PCDHA2: variants seen among roughly 807,000 people sequenced by gnomAD.
PCDHA2 encodes protocadherin alpha 2.
PCDHA2 carries 58 observed loss-of-function variants against 66.0 expected under a neutral mutation model. That is an observed-to-expected ratio of 0.88 (90% CI 0.71 to 1.09). PCDHA2 has a LOEUF of 1.09. PCDHA2 is among the 50% of genes least tolerant of loss of function. PCDHA2 has a pLI of 0.00. For synonymous variants in PCDHA2, 634 were observed against 554.0 expected (o/e 1.14, Z -2.03); for missense variants, 1,267 against 1,242.3 (o/e 1.02, Z -0.30).
intron 1 of PCDHA2, chr5:140,809,632 G>T: frequency 6.7e-7 from 1 of 1,502,482 alleles, no homozygotes; most frequent in South Asian, 1.4e-5. Flanking sequence ...CAACTTCTTC[G>T]TAAATTTATT....
intron 1 of PCDHA2, chr5:140,857,908 G>T (rs782073504): frequency 6.3e-7 from 1 of 1,597,722 alleles, no homozygotes; most frequent in South Asian, 1.1e-5. Flanking sequence ...CACGCATCCC[G>T]TTTCGCGTGG....
At chr5:140,895,994 A>G (rs1554186774) in intron 1 of PCDHA2, among the ~76,000 whole-genome samples, 1 of 152,038 alleles carries the variant, frequency 6.6e-6, no homozygotes, top group Non-Finnish European at 1.5e-5. Context: ...TATTTTAAGT[A>G]GAGACAGGGT....
chr5:140,987,398 A>G (rs935672912), intron 3 of PCDHA2, among the ~76,000 whole-genome samples: 4 of 152,140 alleles, frequency 2.6e-5, no homozygotes, highest in African/African-American at 9.7e-5. Context: ...CAAGGAAGCC[A>G]TCTGTTTATG....
rs146522449 is a variant in PCDHA2, at chr5:140,877,816, G to A, written c.2388+80464G>A. ...CCCAAGCCTTCAGCTGTCTCGAGAA[G>A]ATTGTTTAAATCCTCCCAGTGAAGT... On this transcript the variant is annotated intron_variant, in intron 1 of 3. Coordinates refer to ENST00000526136, the MANE Select transcript of PCDHA2 (RefSeq NM_018905.3). The A allele has an allele frequency of 2.8e-3, 4,449 of 1,609,310 alleles. 21 individuals carry two copies. Among genetic ancestry groups the A allele is most frequent in the African/African-American group, 0.01 (772 of 74,842 alleles).
intron 1 of PCDHA2, chr5:140,823,513 G>A (rs1767741657): frequency 6.2e-7 from 1 of 1,613,474 alleles, no homozygotes; most frequent in African/African-American, 1.3e-5. Context: ...GAGCGAGCTG[G>A]TGCCGAGGTC....
At chr5:140,941,185 CTTTT>C (rs782102770) in intron 1 of PCDHA2, among the ~76,000 whole-genome samples, 59 of 102,236 alleles carry the variant, frequency 5.8e-4, no homozygotes, top group South Asian at 3.1e-3. Context: ...CATCCTGCTT[CTTTT>C]TTTTTCTTTC....
chr5:140,968,444 A>G (rs781941315), intron 1 of PCDHA2: 1 of 1,614,048 alleles, frequency 6.2e-7, no homozygotes, highest in South Asian at 1.1e-5. Context: ...CCCACCACTG[A>G]GCAGCACTGT....
intron 3 of PCDHA2, among the ~76,000 whole-genome samples, chr5:140,995,650 A>T (rs1166713964): frequency 6.6e-6 from 1 of 152,182 alleles, no homozygotes; most frequent in Non-Finnish European, 1.5e-5. Context: ...GAAAAGGAGA[A>T]TCGAAAAGGG....
chr5:140,872,581 C>T (rs1037284236), intron 1 of PCDHA2, among the ~76,000 whole-genome samples: 14 of 152,104 alleles, frequency 9.2e-5, no homozygotes, highest in African/African-American at 3.1e-4. Flanking sequence ...GACCTATCAT[C>T]GTGAGACCCC....
At chr5:140,998,903 G>A (rs1465203456) in intron 3 of PCDHA2, among the ~76,000 whole-genome samples, 9 of 152,156 alleles carry the variant, frequency 5.9e-5, no homozygotes, top group African/African-American at 1.7e-4. Flanking sequence ...CAATGCCTCC[G>A]GGAGGTAGCT....
rs2150114188 is a variant in PCDHA2, at chr5:140,822,162, G to T, written c.2388+24810G>T. The T allele has an allele frequency of 7.4e-6, 12 of 1,614,112 alleles. No individual in the cohort carries two copies. In the East Asian group the frequency reaches 2.4e-4, roughly 33 times the overall value. On this transcript the variant is annotated intron_variant, in intron 1 of 3. Coordinates refer to ENST00000526136, the MANE Select transcript of PCDHA2 (RefSeq NM_018905.3). ...CAGTGAAGGACATCAATGACAATCC[G>T]CCCAGGTTCTCCAGACAAGAACAAA... is the stretch of plus-strand genomic sequence containing the variant.
chr5:140,822,562 C>T, intron 1 of PCDHA2: 2 of 1,613,262 alleles, frequency 1.2e-6, no homozygotes, highest in Non-Finnish European at 1.7e-6. Context: ...AGTTATTAAA[C>T]TGAACGCCTC....
intron 1 of PCDHA2, among the ~76,000 whole-genome samples, chr5:140,918,603 A>G (rs2078773753): frequency 6.6e-6 from 1 of 152,252 alleles, no homozygotes; most frequent in African/African-American, 2.4e-5. Context: ...AGATGTTGCT[A>G]TGATATGAAT....
chr5:140,917,724 G>C (rs2078325058), intron 1 of PCDHA2, among the ~76,000 whole-genome samples: 1 of 152,080 alleles, frequency 6.6e-6, no homozygotes, highest in East Asian at 1.9e-4. Flanking sequence ...CTTTATTTCT[G>C]GGTTCTCTAA....
At chr5:140,910,959 A>C (rs1188143214) in intron 1 of PCDHA2, among the ~76,000 whole-genome samples, 1 of 151,944 alleles carries the variant, frequency 6.6e-6, no homozygotes, top group African/African-American at 2.4e-5. Flanking sequence ...CGAGTGTAGC[A>C]CACCTCCTCA....
chr5:140,871,386 G>A lies in PCDHA2; in HGVS notation c.2388+74034G>A, dbSNP rs782650816. The A allele has an allele frequency of 3.1e-6, 5 of 1,614,058 alleles. No individual in the cohort carries two copies. In the South Asian group the frequency reaches 4.4e-5, roughly 14 times the overall value. ...GGCGGCAGAGGGTGTGCTCTGAGGA[G>A]GGCCCACCTAAGACGGACCTCATGG... On this transcript the variant is annotated intron_variant, in intron 1 of 3. Coordinates refer to ENST00000526136, the MANE Select transcript of PCDHA2 (RefSeq NM_018905.3).
At chr5:140,818,061 C>T (rs2150099980) in intron 1 of PCDHA2, among the ~76,000 whole-genome samples, 2 of 152,206 alleles carry the variant, frequency 1.3e-5, no homozygotes, top group African/African-American at 4.8e-5. Context: ...TTTTTAATCT[C>T]GCTTGCAGTT....
intron 3 of PCDHA2, among the ~76,000 whole-genome samples, chr5:141,003,251 C>T (rs1240561091): frequency 6.6e-6 from 1 of 152,176 alleles, no homozygotes; most frequent in Admixed American, 6.5e-5. Flanking sequence ...AAAAAGATTC[C>T]TGGGCAGTGC....
intron 1 of PCDHA2, chr5:140,841,516 G>T: frequency 6.2e-7 from 1 of 1,612,986 alleles, no homozygotes; most frequent in South Asian, 1.1e-5. Flanking sequence ...GCCTGTTCCG[G>T]GTGGCGTCCA....
Sources: allele counts gnomAD v4.1 joint callset (sites outside exome capture counted in the v4.1 genomes callset), GRCh38; gene constraint gnomAD v4.1.1; transcripts MANE v1.5; gene names NCBI Gene and HGNC (gene_info 2026-07-23, HGNC 2026-07-21).